The following HAUS6 variants were observed in gnomAD, a reference collection of about 807,000 sequenced individuals.
HAUS6 encodes HAUS augmin like complex subunit 6, also known as HAUS augmin-like complex subunit 6.
A neutral mutation model predicts 106.8 loss-of-function variants in HAUS6; 80 were observed. That is an observed-to-expected ratio of 0.75 (90% CI 0.63 to 0.90). HAUS6 has a LOEUF of 0.90. Ranked by LOEUF, HAUS6 falls within the 40% of genes least tolerant of loss-of-function variation. The probability of loss-of-function intolerance (pLI) is 0.00; values close to 1 mark genes in which losing one functional copy is unlikely to be tolerated. For synonymous variants in HAUS6, 356 were observed against 379.1 expected (o/e 0.94, Z 0.71); for missense variants, 1,155 against 1,118.1 (o/e 1.03, Z -0.47).
chr9:19,096,746 C>A lies in HAUS6; in HGVS notation c.152G>T (p.Arg51Leu). 6.4e-7 allele frequency: 1 copy of A among 1,553,700 alleles called. No homozygotes were observed. The highest frequency in any genetic ancestry group is 8.7e-7 in the Non-Finnish European group (1 of 1,143,206). Residue 51 changes from arginine (R) to leucine (L), a missense_variant, in exon 2 of 17, where the codon CGT becomes CTT. Around this residue, in one of 3 missense-constraint regions of HAUS6, gnomAD observed 761 missense variants for 690.0 expected, o/e 1.10. Coordinates refer to ENST00000380502, the MANE Select transcript of HAUS6 (RefSeq NM_017645.5). ...LGVNMFDKLN[R>L]DAFHIISYFL... ...ATAAGAAATTATATGAAAGGCATCA[C>A]GGTTCAGCTTGTCAAACATGTTCCT...
intron 7 of HAUS6, among the ~76,000 whole-genome samples, chr9:19,084,621 T>C (rs1837243629): frequency 6.7e-6 from 1 of 149,472 alleles, no homozygotes; most frequent in Non-Finnish European, 1.5e-5. Context: ...ATTAGTTCAC[T>C]TTTTTTCTTT....
At chr9:19,064,195 G>A (rs191971280) in intron 12 of HAUS6, among the ~76,000 whole-genome samples, 6 of 152,194 alleles carry the variant, frequency 3.9e-5, no homozygotes, top group South Asian at 4.1e-4. Flanking sequence ...TCAAACTCCC[G>A]ACCTCAGGTG....
At chr9:19,077,598 CTAAA>C (rs1436549068) in intron 10 of HAUS6, among the ~76,000 whole-genome samples, 1 of 152,038 alleles carries the variant, frequency 6.6e-6, no homozygotes, top group Non-Finnish European at 1.5e-5. Flanking sequence ...AATATTAACT[CTAAA>C]TAACAGCAAC....
At chr9:19,087,846 CAAAAAAA>C (rs71333081) in intron 5 of HAUS6, among the ~76,000 whole-genome samples, 2 of 78,716 alleles carry the variant, frequency 2.5e-5, no homozygotes, top group South Asian at 5.8e-4. Context: ...GACCTTGTCT[CAAAAAAA>C]AAAAAAAAAA....
chr9:19,096,681 C>T lies in HAUS6; in HGVS notation c.217G>A (p.Val73Ile), dbSNP rs367843922. Residue 73 changes from valine (V) to isoleucine (I), a missense_variant, in exon 2 of 17, where the codon GTT becomes ATT. Around this residue, in one of 3 missense-constraint regions of HAUS6, gnomAD observed 761 missense variants for 690.0 expected, o/e 1.10. Transcript: ENST00000380502. ...QVLDQSLTKE[V>I]FKFCWPPFDQ... Reference sequence around the variant, plus strand: ...GAAATTATTTTTCCTTACTTGAAAACTTCTTTGGTGAGAGACTGGTCCAGA... The same window carrying T: ...GAAATTATTTTTCCTTACTTGAAAATTTCTTTGGTGAGAGACTGGTCCAGA... 3.3e-5 allele frequency: 46 copies of T among 1,376,894 alleles called. No individual in the cohort carries two copies. Among genetic ancestry groups the T allele is most frequent in the Admixed American group, 7.0e-5 (3 of 42,604 alleles). 85.3% of individuals were successfully genotyped at this position (1,376,894 alleles called of 1,614,324 possible). A position where few individuals can be genotyped will look rare whatever the true frequency, so the allele number is the denominator to read the frequency against.
chr9:19,089,069 C>A (rs1038966312), intron 5 of HAUS6, among the ~76,000 whole-genome samples: 1 of 151,990 alleles, frequency 6.6e-6, no homozygotes, highest in African/African-American at 2.4e-5. Flanking sequence ...ATGGTGAAAC[C>A]CCGTCTCTAT....
chr9:19,079,225 T>A (rs1837081003), intron 9 of HAUS6, among the ~76,000 whole-genome samples: 1 of 150,860 alleles, frequency 6.6e-6, no homozygotes, highest in African/African-American at 2.4e-5. Flanking sequence ...TTATTATTTT[T>A]TTTTCTTTTT....
rs1274629436 is a variant in HAUS6, at chr9:19,078,267, T to G, written c.1100A>C (p.His367Pro). The change falls in exon 10 of 17, where the codon CAT becomes CCT. Residue 367 changes from histidine (H) to proline (P), a missense_variant. By Grantham distance (77) the His-to-Pro change is moderately conservative. Coordinates refer to ENST00000380502, the MANE Select transcript of HAUS6 (RefSeq NM_017645.5). The part of the protein sequence containing the change: ...RIKDDLTTIR[H>P]SVVEKQGEWH... ...TTCTCCTTGCTTTTCAACAACAGAA[T>G]GTCTTATAGTTGTGAGATCATCTTT... 1.4e-5 allele frequency: 22 copies of G among 1,518,444 alleles called. No individual in the cohort carries two copies. The Admixed American group carries it at 3.2e-4, about 22-fold the overall frequency. 94.1% of individuals were successfully genotyped at this position (1,518,444 alleles called of 1,614,324 possible). A position where few individuals can be genotyped will look rare whatever the true frequency, so the allele number is the denominator to read the frequency against.
At chr9:19,085,034 C>A (rs1277060769) in intron 7 of HAUS6, among the ~76,000 whole-genome samples, 1 of 151,946 alleles carries the variant, frequency 6.6e-6, no homozygotes, top group Admixed American at 6.6e-5. Context: ...CTCAAACAAT[C>A]CTCCTGCCTC....
chr9:19,093,211 T>C lies in HAUS6; in HGVS notation c.396A>G (p.Ala132=), dbSNP rs750026578. The C allele has an allele frequency of 6.2e-7, 1 of 1,603,672 alleles. No homozygotes were observed. Among genetic ancestry groups the C allele is most frequent in the South Asian group, 1.1e-5 (1 of 89,674 alleles). Residue 132 remains alanine, a synonymous_variant, in exon 4 of 17, where the codon GCA becomes GCG. Coordinates refer to ENST00000380502, the MANE Select transcript of HAUS6 (RefSeq NM_017645.5). The stretch of plus-strand genomic sequence containing the variant: ...TAATATATTTCATTGCAACAAATCT[T>C]GCAAAATGATACATCAGATGAATAA... ...PKFIHLMYHF[A]RFVAMKYIKS...
intron 4 of HAUS6, among the ~76,000 whole-genome samples, chr9:19,091,861 C>T (rs1467293220): frequency 6.6e-6 from 1 of 152,004 alleles, no homozygotes; most frequent in Non-Finnish European, 1.5e-5. Flanking sequence ...AGGGTTTCAC[C>T]ATGTTGGCCA....
rs890486285 is a variant in HAUS6, at chr9:19,076,503, A to G, written c.1294+99T>C. On this transcript the variant is annotated intron_variant, in intron 11 of 16. Transcript: ENST00000380502. ...ATGCATTTCACCACAATAAAAAAAAATGGAGGAAAAAGATAAGGAATTTAA... is the reference window on the plus strand; with the variant it reads ...ATGCATTTCACCACAATAAAAAAAAGTGGAGGAAAAAGATAAGGAATTTAA... The G allele has an allele frequency of 2.4e-5, 17 of 701,864 alleles. No homozygotes were observed. The South Asian group carries it at 2.7e-4, about 11-fold the overall frequency. The allele number at this position is 701,864 out of a possible 1,614,324, so 43.5% of individuals were successfully genotyped here. A position where few individuals can be genotyped will look rare whatever the true frequency, so the allele number is the denominator to read the frequency against.
intron 12 of HAUS6, among the ~76,000 whole-genome samples, chr9:19,066,286 G>A (rs1588601602): frequency 6.6e-6 from 1 of 152,102 alleles, no homozygotes; most frequent in African/African-American, 2.4e-5. Context: ...AGAACTTGGC[G>A]GGGCGGGGGA....
intron 7 of HAUS6, among the ~76,000 whole-genome samples, chr9:19,084,051 C>CAAAAAAAAAA (rs35034404): frequency 1.0e-5 from 1 of 100,440 alleles, no homozygotes; most frequent in Non-Finnish European, 2.1e-5. Flanking sequence ...AGGATCCTTG[C>CAAAAAAAAAA]AAAAAAAAAA....
chr9:19,081,566 A>C (rs369739705), intron 8 of HAUS6, among the ~76,000 whole-genome samples: 1 of 151,968 alleles, frequency 6.6e-6, no homozygotes, highest in Non-Finnish European at 1.5e-5. Context: ...CAGCCTCCCA[A>C]GTAGCTGGGA....
chr9:19,066,976 C>T (rs537797812), intron 12 of HAUS6, among the ~76,000 whole-genome samples: 9 of 151,526 alleles, frequency 5.9e-5, no homozygotes, highest in Non-Finnish European at 1.0e-4. Flanking sequence ...CACTGCACTC[C>T]TGCCTGGGTA....
At chr9:19,082,714 G>C (rs377460102) in intron 8 of HAUS6, among the ~76,000 whole-genome samples, 159 bp downstream of exon 8, 11 of 151,868 alleles carry the variant, frequency 7.2e-5, no homozygotes, top group African/African-American at 2.4e-4. Flanking sequence ...CCACGCCATT[G>C]CACTCCAGCC....
rs558796296 is a variant in HAUS6 at position 19,053,483 on chromosome 9, T to C, written c.*2860A>G. On this transcript the variant is annotated 3_prime_UTR_variant, in exon 17 of 17. Coordinates refer to ENST00000380502, the MANE Select transcript of HAUS6 (RefSeq NM_017645.5). ...TCATGGTAAAGAAAAGGTATCAAAA[T>C]ACTCATATTTTTGTTTTCAGCTCAA... The C allele has an allele frequency of 1.3e-5, 2 of 152,300 alleles. No individual in the cohort carries two copies. Among genetic ancestry groups the C allele is most frequent in the Middle Eastern group, 3.4e-3 (1 of 294 alleles). The allele number at this position is 152,300 out of a possible 1,614,324, so 9.4% of individuals were successfully genotyped here.
chr9:19,079,886 A>C (rs933681946), intron 9 of HAUS6, among the ~76,000 whole-genome samples: 3 of 150,976 alleles, frequency 2.0e-5, no homozygotes, highest in Admixed American at 6.6e-5. Flanking sequence ...GTCTCAAAAA[A>C]AAAAGGGGCC....
Sources: allele counts gnomAD v4.1 joint callset (sites outside exome capture counted in the v4.1 genomes callset), GRCh38; gene constraint gnomAD v4.1.1; regional missense constraint gnomAD v4.1.1; transcripts MANE v1.5; gene names NCBI Gene and HGNC (gene_info 2026-07-23, HGNC 2026-07-21).